The following DYNC2H1 variants were observed in gnomAD, a reference collection of about 807,000 sequenced individuals.
DYNC2H1 encodes dynein cytoplasmic 2 heavy chain 1.
A neutral mutation model predicts 570.0 loss-of-function variants in DYNC2H1; 410 were observed. The ratio of observed to expected loss-of-function variants is 0.72; its 90% CI spans 0.66 to 0.78. The LOEUF (loss-of-function observed/expected upper bound fraction) is 0.78. Among genes scored for constraint, DYNC2H1 ranks in the 30% least tolerant of loss-of-function variants. The pLI is 0.00. For missense variants in DYNC2H1, 4,865 were observed against 5,046.4 expected (o/e 0.96, Z 1.09); for synonymous variants, 1,688 against 1,677.6 (o/e 1.01, Z -0.15).
chr11:103,178,670 G>C (rs1861725585), intron 38 of DYNC2H1, among the ~76,000 whole-genome samples: 1 of 152,054 alleles, frequency 6.6e-6, no homozygotes, highest in Non-Finnish European at 1.5e-5. Flanking sequence ...TCTCATGCAG[G>C]GAACTGGAAA....
In DYNC2H1 at chr11:103,245,356, C is replaced by T. The variant is rs751891969; in HGVS notation, c.10024C>T (p.Arg3342Ter). ...VEPVLYPLLR[R>*]DLVAQGPRYV... Reference sequence around the variant, plus strand: ...ACCTGTTCTTTATCCATTATTGAGACGAGATCTGGTTGCTCAAGGTAAATA... The same window carrying T: ...ACCTGTTCTTTATCCATTATTGAGATGAGATCTGGTTGCTCAAGGTAAATA... Residue 3342 changes from arginine to a stop codon, truncating the protein, a stop_gained, in exon 65 of 89, where the codon CGA (arginine) becomes TGA (stop). Coordinates refer to ENST00000375735, the MANE Select transcript of DYNC2H1 (RefSeq NM_001377.3). LOFTEE classifies it high-confidence loss of function. The surrounding 1 kb of genome is among the most constrained non-coding windows in gnomAD (Gnocchi z 4.5). 16 of 1,585,496 alleles carry T rather than the reference C, an allele frequency of 1.0e-5. No homozygotes were observed. The highest frequency in any genetic ancestry group is 5.3e-5 in the Admixed American group (3 of 56,144).
chr11:103,378,012 C>T (rs1941464713), intron 83 of DYNC2H1, among the ~76,000 whole-genome samples: 1 of 152,212 alleles, frequency 6.6e-6, no homozygotes, highest in East Asian at 1.9e-4. Flanking sequence ...AATGGGATTA[C>T]AGGTGTGAGC....
chr11:103,321,845 T>C (rs1938220027), intron 81 of DYNC2H1, among the ~76,000 whole-genome samples: 1 of 151,400 alleles, frequency 6.6e-6, no homozygotes, highest in Non-Finnish European at 1.5e-5. Flanking sequence ...CATAAACCTA[T>C]CTGTGTATAA....
intron 85 of DYNC2H1, among the ~76,000 whole-genome samples, chr11:103,436,360 T>G (rs1944060306): frequency 6.6e-6 from 1 of 152,036 alleles, no homozygotes; most frequent in South Asian, 2.1e-4. Context: ...GAGCTCCCTA[T>G]GGGGAGCTGC....
At chr11:103,407,996 G>A (rs894966469) in intron 84 of DYNC2H1, 16 of 152,060 alleles carry the variant, frequency 1.1e-4, no homozygotes, top group Middle Eastern at 3.4e-3. Flanking sequence ...GCACTGATTC[G>A]TACATAATTT....
intron 50 of DYNC2H1, among the ~76,000 whole-genome samples, chr11:103,202,337 C>G (rs1862756379): frequency 7.5e-6 from 1 of 133,000 alleles, no homozygotes; most frequent in Admixed American, 8.6e-5. Context: ...CAGATAAGCA[C>G]TAACCTAATA....
rs183059577 is a variant in DYNC2H1, at chr11:103,224,864, C to A, written c.9353+1778C>A. On this transcript the variant is annotated intron_variant, in intron 59 of 88. Transcript: ENST00000375735. ...GTGGTTGTACTGGTTTACATTCCTA[C>A]CAAAAGTGTAAAAGTGTTCCCTTTT... is the stretch of plus-strand genomic sequence containing the variant. Among the ~76,000 whole-genome samples, 19 of 152,318 alleles carry A rather than the reference C, an allele frequency of 1.2e-4. No homozygotes were observed. In the East Asian group the frequency reaches 3.3e-3, roughly 26 times the overall value.
At chr11:103,321,942 C>G (rs966085572) in intron 81 of DYNC2H1, among the ~76,000 whole-genome samples, 2 of 151,982 alleles carry the variant, frequency 1.3e-5, no homozygotes, top group African/African-American at 4.8e-5. Context: ...TTATGTAGTT[C>G]TCTCAGTTTT....
At chr11:103,173,780 G>C (rs1411339900) in intron 35 of DYNC2H1, among the ~76,000 whole-genome samples, 1 of 152,072 alleles carries the variant, frequency 6.6e-6, no homozygotes. Context: ...TTGATTAAAG[G>C]CTTTAGGCAT....
intron 35 of DYNC2H1, 27 bp from the exon 36 acceptor site, chr11:103,174,028 G>T: frequency 6.8e-7 from 1 of 1,472,632 alleles, no homozygotes; most frequent in East Asian, 2.4e-5. Context: ...GCTATTTGAT[G>T]TGTTGATTTC....
Position 103,109,449 on chromosome 11 carries a change from C to T in DYNC2H1, c.-126C>T, listed in dbSNP as rs1480931277. On this transcript the variant is annotated 5_prime_UTR_variant, in exon 1 of 89. Transcript: ENST00000375735. Reference sequence around the variant, plus strand: ...CCATAGCGACTACCCCTGGCAACCGCGAAGCTCTGCGGTCCCGCGGTCGGG... The same window carrying T: ...CCATAGCGACTACCCCTGGCAACCGTGAAGCTCTGCGGTCCCGCGGTCGGG... 2 of 952,900 alleles carry T rather than the reference C, an allele frequency of 2.1e-6. No homozygotes were observed. The highest frequency in any genetic ancestry group is 1.9e-5 in the South Asian group (1 of 51,746). The allele number at this position is 952,900 out of a possible 1,614,324, so 59.0% of individuals were successfully genotyped here.
intron 69 of DYNC2H1, among the ~76,000 whole-genome samples, chr11:103,258,907 T>A (rs113837366): frequency 0.014 from 2,085 of 152,308 alleles, 20 homozygotes; most frequent in Non-Finnish European, 0.023. Context: ...TCATATGTGA[T>A]CTTTGTTAAC....
rs555339053 is a variant in DYNC2H1, at chr11:103,109,767, A to T, written c.193A>T (p.Thr65Ser). ...RSDAGISFSN[T>S]IEFGDTKDKV... ...CGACGCAGGAATCTCCTTTTCCAAC[A>T]CGGTACGGTTCCTTGCACTCCTGCC... Residue 65 changes from threonine (T) to serine (S), a missense_variant and splice_region_variant, in exon 1 of 89, where the codon ACG becomes TCG. Transcript: ENST00000375735. The T allele has an allele frequency of 1.9e-6, 3 of 1,612,388 alleles. No homozygotes were observed. In the African/African-American group the frequency reaches 4.0e-5, roughly 22 times the overall value.
chr11:103,453,641 T>TATATATATATATATATACAC (rs1273661728), intron 85 of DYNC2H1, among the ~76,000 whole-genome samples: 1 of 93,192 alleles, frequency 1.1e-5, no homozygotes, highest in African/African-American at 3.8e-5. Context: ...TATATATATA[T>TATATATATATATATATACAC]ACACACATTC....
At chr11:103,159,942 T>A (rs1861016513) in intron 28 of DYNC2H1, among the ~76,000 whole-genome samples, 1 of 152,136 alleles carries the variant, frequency 6.6e-6, no homozygotes, top group Non-Finnish European at 1.5e-5. Flanking sequence ...AATGCAGAGT[T>A]GAGTAGTTGA....
intron 84 of DYNC2H1, among the ~76,000 whole-genome samples, chr11:103,417,875 C>CA (rs57468229): frequency 5.5e-4 from 72 of 131,456 alleles, no homozygotes; most frequent in Admixed American, 1.6e-3. Flanking sequence ...GACTCCATCT[C>CA]AAAAAAAAAA....
In DYNC2H1 at chr11:103,116,705, G is replaced by A. The variant is rs762634897; in HGVS notation, c.757G>A (p.Asp253Asn). 1.9e-6 allele frequency: 3 copies of A among 1,592,416 alleles called. No homozygotes were observed. The highest frequency in any genetic ancestry group is 1.3e-5 in the African/African-American group (1 of 74,114). ...YPESRMLHLL[D>N]IIGGSFGRFV... is the part of the protein sequence containing the mutation. ...TGAGTCACGAATGTTGCATCTCTTA[G>A]ACATCATAGGTACTAGTAAAAAAAT... Residue 253 changes from aspartate to asparagine, a missense_variant, in exon 5 of 89, where the codon GAC becomes AAC. Coordinates refer to ENST00000375735, the MANE Select transcript of DYNC2H1 (RefSeq NM_001377.3).
rs902246794 is a variant in DYNC2H1, at chr11:103,326,741, C to T, written c.12039+2751C>T. Among the ~76,000 whole-genome samples the T allele has an allele frequency of 1.3e-5, 2 of 152,196 alleles. No individual in the cohort carries two copies. The highest frequency in any genetic ancestry group is 4.8e-5 in the African/African-American group (2 of 41,454). On this transcript the variant is annotated intron_variant, in intron 82 of 88. Transcript: ENST00000375735. The surrounding 1 kb of genome is among the most constrained non-coding windows in gnomAD (Gnocchi z 6.1). ...ATGGAGGGGCTCGGCAGTGGGAAGG[C>T]CTGCAGAACAGATGTGCCCCAATCC... is the stretch of plus-strand genomic sequence containing the variant.
chr11:103,200,544 T>C (rs145239175), intron 50 of DYNC2H1, among the ~76,000 whole-genome samples: 416 of 152,268 alleles, frequency 2.7e-3, no homozygotes, highest in Non-Finnish European at 5.0e-3. Flanking sequence ...AGAAGTAGTA[T>C]GTAAGAAAAT....
Sources: gnomAD v4.1 joint callset for allele counts (sites outside exome capture counted in the v4.1 genomes callset) on GRCh38, gnomAD v4.1.1 for gene constraint, Gnocchi (gnomAD v3.1) non-coding constraint, MANE v1.5 for transcripts, NCBI Gene and HGNC (gene_info 2026-07-23, HGNC 2026-07-21) for gene names.